ZMYM6: variants seen among roughly 807,000 people sequenced by gnomAD.
The protein encoded by ZMYM6 is zinc finger MYM-type containing 6.
ZMYM6 carries 90 observed loss-of-function variants against 134.0 expected under a neutral mutation model. That is an observed-to-expected ratio of 0.67 (90% CI 0.57 to 0.80). ZMYM6 has a LOEUF of 0.80. Among genes scored for constraint, ZMYM6 ranks in the 30% least tolerant of loss-of-function variants. The probability of loss-of-function intolerance (pLI) is 0.00; values close to 1 mark genes in which losing one functional copy is unlikely to be tolerated. For missense variants in ZMYM6, 1,362 were observed against 1,533.9 expected, an observed-to-expected ratio of 0.89 and a Z score of 1.87; for synonymous variants, 481 against 524.1, an observed-to-expected ratio of 0.92 and a Z score of 1.12.
intron 4 of ZMYM6, 173 bp downstream of exon 4, chr1:35,019,180 G>A: frequency 1.1e-6 from 1 of 895,236 alleles, no homozygotes. Flanking sequence ...CTAACACCAA[G>A]TCACTTATTT....
At chr1:35,028,428 A>C (rs1381417811) in intron 2 of ZMYM6, among the ~76,000 whole-genome samples, 1 of 152,160 alleles carries the variant, frequency 6.6e-6, no homozygotes, top group Non-Finnish European at 1.5e-5. Context: ...AATAACTTTG[A>C]GTGTAAAGCG....
At chr1:35,025,671 A>G (rs924996767) in intron 2 of ZMYM6, among the ~76,000 whole-genome samples, 1 of 152,166 alleles carries the variant, frequency 6.6e-6, no homozygotes, top group Non-Finnish European at 1.5e-5. Flanking sequence ...TTACCTTGAG[A>G]GCAGAAGTCC....
At chr1:35,030,408 C>A in intron 2 of ZMYM6, 139 bp downstream of exon 2, 1 of 758,130 alleles carries the variant, frequency 1.3e-6, no homozygotes, top group Non-Finnish European at 2.1e-6. Flanking sequence ...GCACTACACC[C>A]TCAGCGACAG....
At chr1:35,030,520 A>G in intron 2 of ZMYM6, 27 bp downstream of exon 2, 1 of 1,576,804 alleles carries the variant, frequency 6.3e-7, no homozygotes, top group Non-Finnish European at 8.5e-7. Context: ...ATTTTTTTAA[A>G]TTTTTAAATG....
In ZMYM6 at chr1:34,987,536, G is replaced by C; in HGVS notation, c.3546C>G (p.Asp1182Glu). Reference protein sequence around the residue: ...FSNSSGLNMTDITRIIFEHLE... With the variant: ...FSNSSGLNMTEITRIIFEHLE... ...GGTGCTCAAAAATAATCCTTGTGAT[G>C]TCTGTCATATTTAAGCCTGATGAAT... The change falls in exon 16 of 16, where the codon GAC becomes GAG. Residue 1182 changes from aspartate (D) to glutamate (E), a missense_variant. Coordinates refer to ENST00000357182, the MANE Select transcript of ZMYM6 (RefSeq NM_007167.4). 2 of 1,613,696 alleles carry C rather than the reference G, an allele frequency of 1.2e-6. No individual in the cohort carries two copies. Among genetic ancestry groups the C allele is most frequent in the African/African-American group, 2.7e-5 (2 of 75,034 alleles).
At chr1:35,029,063 G>T (rs1331959146) in intron 2 of ZMYM6, among the ~76,000 whole-genome samples, 1 of 151,830 alleles carries the variant, frequency 6.6e-6, no homozygotes, top group African/African-American at 2.4e-5. Context: ...GTGGTGGCAG[G>T]CGCCTATAAT....
chr1:35,019,174 C>A, intron 4 of ZMYM6, 179 bp downstream of exon 4: 2 of 861,506 alleles, frequency 2.3e-6, no homozygotes, highest in Non-Finnish European at 3.5e-6. Context: ...AATATTCTAA[C>A]ACCAAGTCAC....
chr1:34,997,019 T>C (rs1177989000), intron 14 of ZMYM6, among the ~76,000 whole-genome samples: 1 of 152,220 alleles, frequency 6.6e-6, no homozygotes, highest in Non-Finnish European at 1.5e-5. Flanking sequence ...ACAAAATGTA[T>C]CTGGAAGATA....
rs994492921 is a variant in ZMYM6, at chr1:35,030,245, C to T, written c.93+302G>A. On this transcript the variant is annotated intron_variant, in intron 2 of 15. Transcript: ENST00000357182. ...AGGAGTTTGAGACCAGCCTGGGAAA[C>T]ATGGCCAAACCCCGTCTCTACCAAA... is the stretch of plus-strand genomic sequence containing the variant. 6 of 228,084 alleles carry T rather than the reference C, an allele frequency of 2.6e-5. No individual in the cohort carries two copies. In the East Asian group the frequency reaches 5.7e-4, roughly 22 times the overall value. 14.1% of individuals were successfully genotyped at this position (228,084 alleles called of 1,614,324 possible).
At chr1:35,007,976 T>C (rs2148451530) in intron 11 of ZMYM6, among the ~76,000 whole-genome samples, 1 of 152,300 alleles carries the variant, frequency 6.6e-6, no homozygotes, top group East Asian at 1.9e-4. Context: ...AAGATTTTGA[T>C]TCATTCAGCA....
Position 34,987,177 on chromosome 1 carries a change from G to T in ZMYM6, c.3905C>A (p.Ser1302Tyr). ...TESKQKNLLGSGPALRLAVTS... is the reference protein window; with the variant it reads ...TESKQKNLLGYGPALRLAVTS... The stretch of plus-strand genomic sequence containing the variant: ...GACTGCAAGTCTTAGGGCAGGGCCA[G>T]AACCCAACAGATTTTTTTGTTTTGA... Residue 1302 changes from serine (S) to tyrosine (Y), a missense_variant, in exon 16 of 16, where the codon TCT becomes TAT. By Grantham distance (144) the Ser-to-Tyr change is moderately radical. Around this residue, in one of 3 missense-constraint regions of ZMYM6, gnomAD observed 824 missense variants for 940.9 expected, o/e 0.88. Transcript: ENST00000357182. 1 of 1,612,046 alleles carries T rather than the reference G, an allele frequency of 6.2e-7. No homozygotes were observed.
At chr1:35,001,597 A>G (rs1038501225) in intron 14 of ZMYM6, among the ~76,000 whole-genome samples, 1 of 152,210 alleles carries the variant, frequency 6.6e-6, no homozygotes, top group African/African-American at 2.4e-5. Context: ...TTACTAATAT[A>G]TAATACATTA....
At chr1:35,008,507 G>A (rs1281516377) in intron 11 of ZMYM6, among the ~76,000 whole-genome samples, 1 of 152,126 alleles carries the variant, frequency 6.6e-6, no homozygotes, top group Non-Finnish European at 1.5e-5. Context: ...TAAGGGCAAA[G>A]TGCCTCATAA....
rs1165663624 is a variant in ZMYM6, at chr1:34,987,662, CA to C, written c.3419del (p.Leu1140CysfsTer12). 18 of 1,557,824 alleles carry C rather than the reference CA, an allele frequency of 1.2e-5. No individual in the cohort carries two copies. Among genetic ancestry groups the C allele is most frequent in the Non-Finnish European group, 1.6e-5 (18 of 1,150,312 alleles). ...TCTTAAATACATCAATTTTATTACA[CA>C]AATTGAAGAAAGTAGTCAAAGTTCC... ...LQGTLTTFFNLCNKIDVFKRK... is the reference protein window; with the variant it reads ...LQGTLTTFFNXCNKIDVFKRK... On this transcript the variant is annotated frameshift_variant, in exon 16 of 16. Transcript: ENST00000357182. LOFTEE classifies it high-confidence loss of function.
Position 35,007,004 on chromosome 1 carries a change from A to G in ZMYM6, c.1760T>C (p.Val587Ala). The G allele has an allele frequency of 6.2e-7, 1 of 1,613,252 alleles. No individual in the cohort carries two copies. Among genetic ancestry groups the G allele is most frequent in the Non-Finnish European group, 8.5e-7 (1 of 1,179,758 alleles). ...NIKHFCNLFC[V>A]LEFCHQQIMN... ...AATTTGCTGATGACAAAACTCCAAG[A>G]CACAAAATAGGTTACAGAAATGTTT... The change falls in exon 12 of 16, where the codon GTC (valine) becomes GCC (alanine). Residue 587 changes from valine (V) to alanine (A), a missense_variant. Val to Ala is a moderately conservative substitution (Grantham distance 64, BLOSUM62 0). This residue lies in a region of ZMYM6 where 824 missense variants were observed against 940.9 expected (regional missense o/e 0.88). Coordinates refer to ENST00000357182, the MANE Select transcript of ZMYM6 (RefSeq NM_007167.4).
intron 12 of ZMYM6, among the ~76,000 whole-genome samples, chr1:35,006,660 T>C (rs1640972177): frequency 1.3e-5 from 2 of 152,222 alleles, no homozygotes; most frequent in South Asian, 4.1e-4. Flanking sequence ...CTAGTTTAAG[T>C]TATTTATGTA....
chr1:35,001,464 T>C (rs541696442), intron 14 of ZMYM6, among the ~76,000 whole-genome samples: 2 of 152,162 alleles, frequency 1.3e-5, no homozygotes, highest in South Asian at 4.1e-4. Flanking sequence ...CCTAAAAAAC[T>C]AAATAATTCA....
chr1:34,987,704 T>C lies in ZMYM6; in HGVS notation c.3378A>G (p.Leu1126=). 1.3e-6 allele frequency: 2 copies of C among 1,550,476 alleles called. No individual in the cohort carries two copies. The highest frequency in any genetic ancestry group is 1.7e-6 in the Non-Finnish European group (2 of 1,146,650). The change falls in exon 16 of 16, where the codon TTA becomes TTG. Residue 1126 remains leucine (L), a synonymous_variant. Transcript: ENST00000357182. ...TCAAAGTTCCTTGGAGACTTAAATT[T>C]AATTCATTTATAAGTGAAAATATAT... The part of the protein sequence containing the change: ...LSDIFSLINE[L]NLSLQGTLTT...
intron 12 of ZMYM6, 67 bp downstream of exon 12, chr1:35,006,884 A>C (rs1640989116): frequency 7.6e-7 from 1 of 1,321,150 alleles, no homozygotes; most frequent in African/African-American, 1.5e-5. Context: ...TATATTATTT[A>C]TAACTGTATA....
Sources: allele counts gnomAD v4.1 joint callset (sites outside exome capture counted in the v4.1 genomes callset), GRCh38; gene constraint gnomAD v4.1.1; regional missense constraint gnomAD v4.1.1; transcripts MANE v1.5; gene names NCBI Gene and HGNC (gene_info 2026-07-23, HGNC 2026-07-21).